The following CCDC7 variants were observed in gnomAD, a reference collection of about 807,000 sequenced individuals.
CCDC7 encodes the protein coiled-coil domain-containing protein 7.
A neutral mutation model predicts 196.9 loss-of-function variants in CCDC7; 183 were observed. The ratio of observed to expected loss-of-function variants is 0.93; its 90% CI spans 0.82 to 1.05. The LOEUF is 1.05. Among genes scored for constraint, CCDC7 ranks in the 50% least tolerant of loss-of-function variants. The pLI, the probability that CCDC7 is intolerant of heterozygous loss-of-function variation, is 0.00. For missense variants in CCDC7, 1,540 were observed against 1,482.2 expected, an observed-to-expected ratio of 1.04 and a Z score of -0.64; for synonymous variants, 525 against 484.6, an observed-to-expected ratio of 1.08 and a Z score of -1.10.
At chr10:32,624,917 T>C (rs2063802712) in intron 18 of CCDC7, among the ~76,000 whole-genome samples, 2 of 151,816 alleles carry the variant, frequency 1.3e-5, no homozygotes, top group African/African-American at 4.8e-5. Context: ...GCTTATCAAA[T>C]TTATGGTTTC....
intron 32 of CCDC7, among the ~76,000 whole-genome samples, chr10:32,832,197 G>A (rs12412365): frequency 0.34 from 52,180 of 151,978 alleles, 11,350 homozygotes; most frequent in Non-Finnish European, 0.49. Context: ...AGGTGACATA[G>A]CATCAGAAAC....
intron 41 of CCDC7, among the ~76,000 whole-genome samples, chr10:32,857,915 T>A: frequency 6.7e-6 from 1 of 149,178 alleles, no homozygotes; most frequent in Admixed American, 6.6e-5. Flanking sequence ...AGAGAAAAAC[T>A]CAAATAAAAT....
At position 32,576,871 on chromosome 10, in the gene CCDC7, A is replaced by G. The variant is rs189020598; in HGVS notation, c.1454+4978A>G. 1.7e-4 allele frequency among the ~76,000 whole-genome samples: 26 copies of G among 152,074 alleles called. No individual in the cohort carries two copies. The East Asian group carries it at 4.8e-3, about 28-fold the overall frequency. Reference sequence around the variant, plus strand: ...GGCCATTGTGTTCCTTCATAGCGGGATGGATTTGAACAGGCACCCAAGACT... The same window carrying G: ...GGCCATTGTGTTCCTTCATAGCGGGGTGGATTTGAACAGGCACCCAAGACT... On this transcript the variant is annotated intron_variant, in intron 16 of 41. Transcript: ENST00000639629.
chr10:32,478,982 A>C (rs922926200), intron 8 of CCDC7, among the ~76,000 whole-genome samples: 8 of 152,138 alleles, frequency 5.3e-5, no homozygotes, highest in African/African-American at 1.9e-4. Flanking sequence ...AATTTCTTTT[A>C]AATAGGCCTA....
chr10:32,830,645 T>C (rs772196805), intron 32 of CCDC7, among the ~76,000 whole-genome samples: 10 of 152,152 alleles, frequency 6.6e-5, no homozygotes, highest in Non-Finnish European at 1.0e-4. Flanking sequence ...AATGTGATGT[T>C]TTAGTGCATG....
intron 41 of CCDC7, among the ~76,000 whole-genome samples, chr10:32,867,931 C>T (rs2136678952): frequency 6.6e-6 from 1 of 151,976 alleles, no homozygotes; most frequent in South Asian, 2.1e-4. Context: ...TTATCTCCTA[C>T]CCCCAGTTCC....
chr10:32,723,701 C>G (rs140276289), intron 25 of CCDC7, among the ~76,000 whole-genome samples: 2 of 152,144 alleles, frequency 1.3e-5, no homozygotes, highest in Admixed American at 6.6e-5. Context: ...ATACACCCCA[C>G]AAGATGACAC....
At chr10:32,739,629 T>G (rs112742908) in intron 28 of CCDC7, among the ~76,000 whole-genome samples, 3 of 152,172 alleles carry the variant, frequency 2.0e-5, no homozygotes, top group African/African-American at 7.2e-5. Context: ...TTGATGCTCA[T>G]GCTTAAACTG....
In CCDC7 at chr10:32,872,944, G is replaced by A. The variant is rs190102890; in HGVS notation, c.4112-3403G>A. 2.4e-3 allele frequency among the ~76,000 whole-genome samples: 361 copies of A among 151,834 alleles called. 2 individuals are homozygous for A. Among genetic ancestry groups the A allele is most frequent in the African/African-American group, 8.3e-3 (343 of 41,456 alleles). On this transcript the variant is annotated intron_variant, in intron 41 of 41. Coordinates refer to ENST00000639629, the Ensembl canonical transcript of CCDC7. ...GATGGGCTTCCCTTTGTGGGTAACC[G>A]GTGTTTCTCTCTGGCTGCCCTTAAC...
At chr10:32,492,837 A>G (rs550308066) in intron 9 of CCDC7, among the ~76,000 whole-genome samples, 60 of 152,154 alleles carry the variant, frequency 3.9e-4, no homozygotes, top group Non-Finnish European at 8.1e-4. Context: ...ATTTTATGTT[A>G]TATGTATTTT....
intron 15 of CCDC7, among the ~76,000 whole-genome samples, chr10:32,571,527 C>A (rs2057552551): frequency 6.6e-6 from 1 of 152,042 alleles, no homozygotes; most frequent in Non-Finnish European, 1.5e-5. Flanking sequence ...GTGGAGCAGG[C>A]CTGCTCTGTC....
At chr10:32,465,351 A>G (rs1490975709) in intron 5 of CCDC7, among the ~76,000 whole-genome samples, 2 of 152,032 alleles carry the variant, frequency 1.3e-5, no homozygotes, top group African/African-American at 4.8e-5. Context: ...ACATTTCTCA[A>G]TCTATCCAGA....
In CCDC7 at chr10:32,875,650, C is replaced by A. The variant is rs151075784; in HGVS notation, c.4112-697C>A. On this transcript the variant is annotated intron_variant, in intron 41 of 41. Coordinates refer to ENST00000639629, the Ensembl canonical transcript of CCDC7. ...AGCTTATGAGCCTCTGTTAAATAGG[C>A]CCTTTGGTTGTTTCCCGTTTTTTCT... Among the ~76,000 whole-genome samples, 181 of 152,030 alleles carry A rather than the reference C, an allele frequency of 1.2e-3. 1 individual carries two copies. Among genetic ancestry groups the A allele is most frequent in the Non-Finnish European group, 1.8e-3 (124 of 67,946 alleles).
At chr10:32,720,033 G>A (rs1449753394) in intron 25 of CCDC7, among the ~76,000 whole-genome samples, 2 of 152,046 alleles carry the variant, frequency 1.3e-5, no homozygotes, top group Admixed American at 6.6e-5. Context: ...ATACCCAAAC[G>A]ATTATAAATT....
intron 18 of CCDC7, among the ~76,000 whole-genome samples, chr10:32,610,896 T>G (rs566976789): frequency 1.3e-5 from 2 of 152,350 alleles, no homozygotes; most frequent in African/African-American, 4.8e-5. Context: ...TGTGCATGCG[T>G]CTTTATTGTA....
chr10:32,729,588 A>G, intron 28 of CCDC7, 131 bp downstream of exon 29: 4 of 421,180 alleles, frequency 9.5e-6, no homozygotes, highest in East Asian at 3.9e-5. Context: ...CCAGATCTTT[A>G]TTGATAACTT....
chr10:32,775,273 C>T (rs1306348986), intron 28 of CCDC7, among the ~76,000 whole-genome samples: 1 of 152,146 alleles, frequency 6.6e-6, no homozygotes, highest in Non-Finnish European at 1.5e-5. Flanking sequence ...CATGACAGTA[C>T]TTTTAGTATC....
At chr10:32,605,479 C>T (rs971793257) in intron 18 of CCDC7, among the ~76,000 whole-genome samples, 3 of 152,118 alleles carry the variant, frequency 2.0e-5, no homozygotes, top group African/African-American at 4.8e-5. Flanking sequence ...TTTGGAACTT[C>T]GTAGAGACTG....
At chr10:32,606,127 C>T (rs1222306049) in intron 18 of CCDC7, among the ~76,000 whole-genome samples, 1 of 152,212 alleles carries the variant, frequency 6.6e-6, no homozygotes, top group African/African-American at 2.4e-5. Flanking sequence ...GCAAAGGGCC[C>T]CAGATACAGC....
Sources: gnomAD v4.1 joint callset for allele counts (sites outside exome capture counted in the v4.1 genomes callset) on GRCh38, gnomAD v4.1.1 for gene constraint, MANE v1.5 for transcripts, NCBI Gene and HGNC (gene_info 2026-07-23, HGNC 2026-07-21) for gene names.